Variants in TULP3 observed in about 807,000 individuals in gnomAD.
TULP3 encodes tubby-related protein 3.
A neutral mutation model predicts 50.7 loss-of-function variants in TULP3; 38 were observed. That is an observed-to-expected ratio of 0.75 (90% CI 0.58 to 0.98). The LOEUF (loss-of-function observed/expected upper bound fraction) is 0.98. Among genes scored for constraint, TULP3 ranks in the 50% least tolerant of loss-of-function variants. The pLI, the probability that TULP3 is intolerant of heterozygous loss-of-function variation, is 0.00. For synonymous variants in TULP3, 183 were observed against 196.6 expected, an observed-to-expected ratio of 0.93 and a Z score of 0.58; for missense variants, 550 against 568.0, an observed-to-expected ratio of 0.97 and a Z score of 0.32.
chr12:2,928,773 T>C (rs1274280352), intron 4 of TULP3, among the ~76,000 whole-genome samples: 1 of 151,880 alleles, frequency 6.6e-6, no homozygotes, highest in East Asian at 1.9e-4. Flanking sequence ...TGAAACCCTG[T>C]CTCTACTAAA....
At position 2,940,468 on chromosome 12, in the gene TULP3, T is replaced by A; in HGVS notation, c.*1024T>A. The A allele has an allele frequency of 1.3e-6, 2 of 1,487,534 alleles. No individual in the cohort carries two copies. Among genetic ancestry groups the A allele is most frequent in the South Asian group, 2.8e-5 (2 of 72,604 alleles). 92.1% of individuals were successfully genotyped at this position (1,487,534 alleles called of 1,614,324 possible). A position where few individuals can be genotyped will look rare whatever the true frequency, so the allele number is the denominator to read the frequency against. On this transcript the variant is annotated 3_prime_UTR_variant, in exon 11 of 11. Coordinates refer to ENST00000448120, the MANE Select transcript of TULP3 (RefSeq NM_003324.5). ...AGGCACAGAAGGTGTTTTGCTACGT[T>A]TTTTTGATTATTACACCCCTCCACG...
At chr12:2,928,227 A>G (rs2098195745) in intron 4 of TULP3, among the ~76,000 whole-genome samples, 2 of 152,250 alleles carry the variant, frequency 1.3e-5, no homozygotes, top group Admixed American at 1.3e-4. Flanking sequence ...TTAACTAGAC[A>G]GAGATTAAGA....
rs998814 is a variant in TULP3 at position 2,940,532 on chromosome 12, T to G, written c.*1088T>G. The G allele has an allele frequency of 1.4e-5, 22 of 1,546,924 alleles. No homozygotes were observed. The highest frequency in any genetic ancestry group is 1.9e-5 in the Non-Finnish European group (22 of 1,144,464). On this transcript the variant is annotated 3_prime_UTR_variant, in exon 11 of 11. Transcript: ENST00000448120. ...TTACACCAGTTCACCCTTCCCAGAATGTATCCAAACCTTGAGAATGCAGGA... is the reference window on the plus strand; with the variant it reads ...TTACACCAGTTCACCCTTCCCAGAAGGTATCCAAACCTTGAGAATGCAGGA...
chr12:2,910,870 A>G (rs1323523861), intron 2 of TULP3, among the ~76,000 whole-genome samples: 2 of 152,136 alleles, frequency 1.3e-5, no homozygotes, highest in Non-Finnish European at 2.9e-5. Context: ...TGAGCCCTTT[A>G]TTTTCTTCAT....
At position 2,920,747 on chromosome 12, in the gene TULP3, A is replaced by G. The variant is rs2098191195; in HGVS notation, c.94-16A>G. On this transcript the variant is annotated splice_polypyrimidine_tract_variant and intron_variant, in intron 2 of 10. Coordinates refer to ENST00000448120, the MANE Select transcript of TULP3 (RefSeq NM_003324.5). ...CAAAACTCTCCTTGCTGGCTGTCAT[A>G]TCGCTTTTTTCCCAGAGGCTACTAC... The G allele has an allele frequency of 1.9e-6, 3 of 1,613,490 alleles. No individual in the cohort carries two copies. Among genetic ancestry groups the G allele is most frequent in the South Asian group, 1.1e-5 (1 of 91,082 alleles).
chr12:2,894,312 A>C (rs980318551), intron 1 of TULP3, among the ~76,000 whole-genome samples: 1 of 39,920 alleles, frequency 2.5e-5, no homozygotes, highest in Non-Finnish European at 4.6e-5. Context: ...GGGGGGGGGA[A>C]ATCACCTGAG....
intron 2 of TULP3, among the ~76,000 whole-genome samples, chr12:2,915,685 C>T (rs2098188240): frequency 1.3e-5 from 2 of 152,074 alleles, no homozygotes; most frequent in African/African-American, 4.8e-5. Flanking sequence ...GCTGGGACTA[C>T]AGGCGCATGC....
intron 1 of TULP3, among the ~76,000 whole-genome samples, chr12:2,905,753 T>G (rs2098181838): frequency 6.6e-6 from 1 of 152,022 alleles, no homozygotes; most frequent in African/African-American, 2.4e-5. Flanking sequence ...ACACACCTGT[T>G]TTTTTCACTA....
intron 1 of TULP3, among the ~76,000 whole-genome samples, chr12:2,898,746 C>T (rs1265672264): frequency 2.0e-5 from 3 of 152,072 alleles, no homozygotes; most frequent in South Asian, 2.1e-4. Flanking sequence ...GTGGTGCAGT[C>T]GTAGCCCACA....
rs1591541346 is a variant in TULP3, at chr12:2,940,869, A to C, written c.*1425A>C. On this transcript the variant is annotated 3_prime_UTR_variant, in exon 11 of 11. Coordinates refer to ENST00000448120, the MANE Select transcript of TULP3 (RefSeq NM_003324.5). ...TCACAGCCATGCCCAGAAGCCTCAC[A>C]CCTCGTCACCACCACCACCCCCCAC... is the stretch of plus-strand genomic sequence containing the variant. 1.4e-6 allele frequency: 1 copy of C among 722,520 alleles called. No homozygotes were observed. Among genetic ancestry groups the C allele is most frequent in the Non-Finnish European group, 2.2e-6 (1 of 451,716 alleles). 44.8% of individuals were successfully genotyped at this position (722,520 alleles called of 1,614,324 possible). A position where few individuals can be genotyped will look rare whatever the true frequency, so the allele number is the denominator to read the frequency against.
chr12:2,911,688 T>TGAG (rs2098185734), intron 2 of TULP3, among the ~76,000 whole-genome samples: 1 of 77,358 alleles, frequency 1.3e-5, no homozygotes, highest in African/African-American at 5.8e-5. Context: ...TTTTTTTTTT[T>TGAG]TTTTTTTTTT....
In TULP3 at chr12:2,931,018, T is replaced by C. The variant is rs778438949; in HGVS notation, c.493-19T>C. On this transcript the variant is annotated intron_variant, in intron 5 of 10. Transcript: ENST00000448120. ...TTGAGTCTCGGCCTGTTGTTGCTCA[T>C]GTATGGCTGTCCTTTCAGGATACAG... The C allele has an allele frequency of 4.3e-6, 7 of 1,613,862 alleles. No individual in the cohort carries two copies. In the Admixed American group the frequency reaches 5.0e-5, roughly 12 times the overall value.
In TULP3 at chr12:2,939,733, C is replaced by T. The variant is rs1034835196; in HGVS notation, c.*289C>T. ...AATAGTTTGCCCCTTTTGGAACGAC[C>T]CCTGAATATATAAAACACACACACG... On this transcript the variant is annotated 3_prime_UTR_variant, in exon 11 of 11. Coordinates refer to ENST00000448120, the MANE Select transcript of TULP3 (RefSeq NM_003324.5). The surrounding 1 kb of genome is among the most constrained non-coding windows in gnomAD (Gnocchi z 4.0). 2 of 1,289,016 alleles carry T rather than the reference C, an allele frequency of 1.6e-6. No homozygotes were observed. Among genetic ancestry groups the T allele is most frequent in the Middle Eastern group, 3.2e-4 (1 of 3,162 alleles). The allele number at this position is 1,289,016 out of a possible 1,614,324, so 79.8% of individuals were successfully genotyped here.
At chr12:2,930,388 C>G (rs777752208) in intron 5 of TULP3, 43 bp downstream of exon 5, 3 of 1,240,412 alleles carry the variant, frequency 2.4e-6, no homozygotes, top group East Asian at 2.5e-5. Flanking sequence ...TAATTTGACT[C>G]TTTCTCAAAC....
rs753760251 is a variant in TULP3 at position 2,938,238 on chromosome 12, T to A, written c.1148T>A (p.Val383Asp). The stretch of plus-strand genomic sequence containing the variant: ...TATGTCCTCAACTTCCGTGGCCGGG[T>A]CACTCAGGCGTCTGTGAAGAACTTC... ...QSYVLNFRGR[V>D]TQASVKNFQI... is the part of the protein sequence containing the mutation. Residue 383 changes from valine to aspartate, a missense_variant, in exon 10 of 11, where the codon GTC (valine) becomes GAC (aspartate). Val to Asp is a radical substitution (Grantham distance 152). Transcript: ENST00000448120. 1.2e-6 allele frequency: 2 copies of A among 1,614,048 alleles called. No individual in the cohort carries two copies. Among genetic ancestry groups the A allele is most frequent in the Non-Finnish European group, 1.7e-6 (2 of 1,180,002 alleles).
Position 2,940,883 on chromosome 12 carries a change from A to ACCACCC in TULP3, c.*1442_*1447dup. 1 of 650,112 alleles carries ACCACCC rather than the reference A, an allele frequency of 1.5e-6. No individual in the cohort carries two copies. The highest frequency in any genetic ancestry group is 2.6e-6 in the Non-Finnish European group (1 of 386,928). The allele number at this position is 650,112 out of a possible 1,614,324, so 40.3% of individuals were successfully genotyped here. On this transcript the variant is annotated 3_prime_UTR_variant, in exon 11 of 11. Transcript: ENST00000448120. The stretch of plus-strand genomic sequence containing the variant: ...AGAAGCCTCACACCTCGTCACCACC[A>ACCACCC]CCACCCCCCACCCCATCCTGAGGCA...
At chr12:2,931,644 A>G (rs140597488) in intron 6 of TULP3, among the ~76,000 whole-genome samples, 10 of 152,328 alleles carry the variant, frequency 6.6e-5, no homozygotes, top group African/African-American at 2.2e-4. Context: ...AGGACCTACA[A>G]GTTAAATGTC....
In TULP3 at chr12:2,940,344, C is replaced by A. The variant is rs2098203976; in HGVS notation, c.*900C>A. Reference sequence around the variant, plus strand: ...GTTAAAAAAAAAAAAAAAAAGGTGGCAGGAGAGGCTTTGGGGAGGATCAGC... The same window carrying A: ...GTTAAAAAAAAAAAAAAAAAGGTGGAAGGAGAGGCTTTGGGGAGGATCAGC... On this transcript the variant is annotated 3_prime_UTR_variant, in exon 11 of 11. Transcript: ENST00000448120. The A allele has an allele frequency of 5.5e-6, 8 of 1,452,612 alleles. No individual in the cohort carries two copies. In the Admixed American group the frequency reaches 1.7e-4, roughly 32 times the overall value. The allele number at this position is 1,452,612 out of a possible 1,614,324, so 90.0% of individuals were successfully genotyped here.
intron 1 of TULP3, among the ~76,000 whole-genome samples, chr12:2,900,345 T>G (rs563615539): frequency 1.3e-5 from 2 of 152,228 alleles, no homozygotes; most frequent in South Asian, 4.1e-4. Flanking sequence ...TTAGGCTGTT[T>G]GAAGCACTTG....
Sources: allele counts gnomAD v4.1 joint callset (sites outside exome capture counted in the v4.1 genomes callset), GRCh38; gene constraint gnomAD v4.1.1; non-coding constraint Gnocchi (gnomAD v3.1); transcripts MANE v1.5; gene names NCBI Gene and HGNC (gene_info 2026-07-23, HGNC 2026-07-21).